DIPK2A: variants seen among roughly 807,000 people sequenced by gnomAD.
The protein encoded by DIPK2A is Golgi Protein of 49 kDa.
A neutral mutation model predicts 39.0 loss-of-function variants in DIPK2A; 27 were observed. The ratio of observed to expected loss-of-function variants is 0.69; its 90% CI spans 0.51 to 0.96. The LOEUF is 0.96. Ranked by LOEUF, DIPK2A falls within the 40% of genes least tolerant of loss-of-function variation. The pLI, the probability that DIPK2A is intolerant of heterozygous loss-of-function variation, is 0.00. For synonymous variants in DIPK2A, 298 were observed against 240.8 expected, an observed-to-expected ratio of 1.24 and a Z score of -2.20; for missense variants, 528 against 571.3, an observed-to-expected ratio of 0.92 and a Z score of 0.77.
chr3:143,979,289 A>G (rs550958558), intron 1 of DIPK2A, among the ~76,000 whole-genome samples: 2 of 152,324 alleles, frequency 1.3e-5, no homozygotes, highest in African/African-American at 4.8e-5. Context: ...TAGAATGAAT[A>G]TGGTAGGAAA....
chr3:143,973,016 G>C (rs1369894696), intron 1 of DIPK2A, 27 bp downstream of exon 1: 1 of 1,554,638 alleles, frequency 6.4e-7, no homozygotes, highest in South Asian at 1.2e-5. Flanking sequence ...GGCAGGGGGC[G>C]TCCTGGGAGG....
chr3:143,978,195 C>G (rs546596790), intron 1 of DIPK2A, among the ~76,000 whole-genome samples: 1 of 152,094 alleles, frequency 6.6e-6, no homozygotes, highest in Admixed American at 6.5e-5. Context: ...GTCATTGCTG[C>G]TGACTCTTCA....
At chr3:143,981,555 C>A (rs2087829453) in intron 1 of DIPK2A, among the ~76,000 whole-genome samples, 2 of 152,124 alleles carry the variant, frequency 1.3e-5, no homozygotes, top group Non-Finnish European at 2.9e-5. Flanking sequence ...GTTAAATAAT[C>A]AATCTTAACA....
Position 143,972,614 on chromosome 3 carries a change from G to A in DIPK2A, c.282G>A (p.Ala94=). The change falls in exon 1 of 3, where the codon GCG becomes GCA. Residue 94 remains alanine, a synonymous_variant. Transcript: ENST00000315691. Reference sequence around the variant, plus strand: ...TCAACGTGAAGAACGTGTACTTCGCGCAGTACGGCGAGCCCCGCGAGGGCG... The same window carrying A: ...TCAACGTGAAGAACGTGTACTTCGCACAGTACGGCGAGCCCCGCGAGGGCG... ...DFLNVKNVYF[A]QYGEPREGGR... is the part of the protein sequence containing the mutation. 1 of 1,612,022 alleles carries A rather than the reference G, an allele frequency of 6.2e-7. No individual in the cohort carries two copies. The highest frequency in any genetic ancestry group is 8.5e-7 in the Non-Finnish European group (1 of 1,179,644).
chr3:143,985,872 T>C (rs762970542), intron 2 of DIPK2A, 26 bp downstream of exon 2: 4 of 1,546,256 alleles, frequency 2.6e-6, no homozygotes, highest in East Asian at 2.3e-5. Context: ...TAGATTTTTT[T>C]CTACTCATTT....
chr3:143,987,621 CA>C (rs2087922241), intron 2 of DIPK2A, among the ~76,000 whole-genome samples: 1 of 152,206 alleles, frequency 6.6e-6, no homozygotes, highest in South Asian at 2.1e-4. Context: ...CTCATTAAAA[CA>C]GCAACAGATA....
At position 143,992,116 on chromosome 3, in the gene DIPK2A, C is replaced by G. The variant is rs143910929; in HGVS notation, c.*2275C>G. The G allele has an allele frequency of 4.3e-4, 66 of 152,664 alleles. No homozygotes were observed. The highest frequency in any genetic ancestry group is 1.5e-3 in the African/African-American group (64 of 41,546). The allele number at this position is 152,664 out of a possible 1,614,324, so 9.5% of individuals were successfully genotyped here. A position where few individuals can be genotyped will look rare whatever the true frequency, so the allele number is the denominator to read the frequency against. On this transcript the variant is annotated 3_prime_UTR_variant, in exon 3 of 3. Coordinates refer to ENST00000315691, the MANE Select transcript of DIPK2A (RefSeq NM_173552.5). The stretch of plus-strand genomic sequence containing the variant: ...AGCAATAAATATTTTGTTCACTTTG[C>G]TATCAAGATGTTCACTATCAGATAT...
intron 1 of DIPK2A, among the ~76,000 whole-genome samples, chr3:143,982,978 A>G (rs1012423400): frequency 3.3e-5 from 5 of 152,216 alleles, no homozygotes; most frequent in African/African-American, 9.6e-5. Context: ...AAAGATCATA[A>G]AAGACAAGGG....
At position 143,972,151 on chromosome 3, in the gene DIPK2A, C is replaced by A; in HGVS notation, c.-182C>A. 2.2e-6 allele frequency: 1 copy of A among 463,138 alleles called. No individual in the cohort carries two copies. The allele number at this position is 463,138 out of a possible 1,614,324, so 28.7% of individuals were successfully genotyped here. ...AGTGACTGGGAGAAGTCGCAGCCCG[C>A]TCAGGCCCGCGCCTTCCCGCTCCCC... On this transcript the variant is annotated 5_prime_UTR_variant, in exon 1 of 3. Transcript: ENST00000315691.
At chr3:143,975,791 G>C (rs2087720385) in intron 1 of DIPK2A, among the ~76,000 whole-genome samples, 1 of 151,938 alleles carries the variant, frequency 6.6e-6, no homozygotes, top group African/African-American at 2.4e-5. Context: ...TGGACAGCTG[G>C]TGACAAACTA....
In DIPK2A at chr3:143,989,723, A is replaced by G. The variant is rs762025281; in HGVS notation, c.1175A>G (p.Asp392Gly). The G allele has an allele frequency of 1.6e-5, 26 of 1,614,126 alleles. No homozygotes were observed. Among genetic ancestry groups the G allele is most frequent in the Non-Finnish European group, 2.2e-5 (26 of 1,180,052 alleles). Residue 392 changes from aspartate (D) to glycine (G), a missense_variant, in exon 3 of 3, where the codon GAT (aspartate) becomes GGT (glycine). Around this residue, in one of 2 missense-constraint regions of DIPK2A, gnomAD observed 219 missense variants for 281.5 expected, o/e 0.78. Coordinates refer to ENST00000315691, the MANE Select transcript of DIPK2A (RefSeq NM_173552.5). ...GATCCACCAAGTGAAATTGCCAAAG[A>G]TGGCCGGCTCGAGGCCTTGCTGGAT... ...LHDPPSEIAK[D>G]GRLEALLDEC...
rs763347523 is a variant in DIPK2A at position 143,989,734 on chromosome 3, G to A, written c.1186G>A (p.Glu396Lys). The change falls in exon 3 of 3, where the codon GAG becomes AAG. Residue 396 changes from glutamate (E) to lysine (K), a missense_variant. This residue lies in a region of DIPK2A where 219 missense variants were observed against 281.5 expected (regional missense o/e 0.78). Coordinates refer to ENST00000315691, the MANE Select transcript of DIPK2A (RefSeq NM_173552.5). Reference sequence around the variant, plus strand: ...TGAAATTGCCAAAGATGGCCGGCTCGAGGCCTTGCTGGATGAGTGTGCCAA... The same window carrying A: ...TGAAATTGCCAAAGATGGCCGGCTCAAGGCCTTGCTGGATGAGTGTGCCAA... The part of the protein sequence containing the change: ...PSEIAKDGRL[E>K]ALLDECANPK... 17 of 1,614,100 alleles carry A rather than the reference G, an allele frequency of 1.1e-5. No homozygotes were observed. The highest frequency in any genetic ancestry group is 8.0e-5 in the African/African-American group (6 of 74,936).
chr3:143,973,469 CTT>C, intron 1 of DIPK2A: 1 of 1,551,068 alleles, frequency 6.4e-7, no homozygotes, highest in Non-Finnish European at 8.7e-7. Flanking sequence ...GTCTCAGAGT[CTT>C]TGTTTTCGCT....
intron 1 of DIPK2A, among the ~76,000 whole-genome samples, chr3:143,976,292 C>G (rs2087727366): frequency 1.3e-5 from 2 of 151,918 alleles, no homozygotes; most frequent in African/African-American, 2.4e-5. Flanking sequence ...CTCTGATACC[C>G]TTTCCTCGTC....
At position 143,985,662 on chromosome 3, in the gene DIPK2A, A is replaced by C. The variant is rs2087888323; in HGVS notation, c.777A>C (p.Lys259Asn). The change falls in exon 2 of 3, where the codon AAA becomes AAC. Residue 259 changes from lysine to asparagine, a missense_variant. Physicochemically the swap from Lys to Asn is moderately conservative, Grantham distance 94 (BLOSUM62 0). Around this residue, in one of 2 missense-constraint regions of DIPK2A, gnomAD observed 219 missense variants for 281.5 expected, o/e 0.78. Coordinates refer to ENST00000315691, the MANE Select transcript of DIPK2A (RefSeq NM_173552.5). ...LWSYFNAPWE[K>N]RVDLAWQLME... ...GTTACTTTAATGCGCCATGGGAAAAACGAGTTGACCTCGCTTGGCAATTAA... is the reference window on the plus strand; with the variant it reads ...GTTACTTTAATGCGCCATGGGAAAACCGAGTTGACCTCGCTTGGCAATTAA... 6.2e-7 allele frequency: 1 copy of C among 1,614,030 alleles called. No individual in the cohort carries two copies. The highest frequency in any genetic ancestry group is 1.3e-5 in the African/African-American group (1 of 74,922).
Position 143,972,025 on chromosome 3 carries a change from TCCCCCTCCCGC to T in DIPK2A, c.-307_-297del. On this transcript the variant is annotated 5_prime_UTR_variant, in exon 1 of 3. Coordinates refer to ENST00000315691, the MANE Select transcript of DIPK2A (RefSeq NM_173552.5). ...GCGACCGTCGGGTCCCCGCGCTCCC[TCCCCCTCCCGC>T]TCCTCTATAACTTGGCTGGCGTGGA... 3.1e-6 allele frequency: 1 copy of T among 320,574 alleles called. No homozygotes were observed. The allele number at this position is 320,574 out of a possible 1,614,324, so 19.9% of individuals were successfully genotyped here.
chr3:143,978,951 A>G (rs1034655100), intron 1 of DIPK2A, among the ~76,000 whole-genome samples: 36 of 152,002 alleles, frequency 2.4e-4, no homozygotes, highest in African/African-American at 7.7e-4. Flanking sequence ...ATACTTACCT[A>G]ACAGGATTGT....
chr3:143,974,120 G>GTT (rs60332605), intron 1 of DIPK2A, among the ~76,000 whole-genome samples: 3 of 145,440 alleles, frequency 2.1e-5, no homozygotes, highest in South Asian at 2.2e-4. Flanking sequence ...GAGGTACAGG[G>GTT]TTTTTTTTTT....
intron 2 of DIPK2A, among the ~76,000 whole-genome samples, chr3:143,987,866 C>A (rs1002235032): frequency 2.6e-5 from 4 of 152,194 alleles, no homozygotes; most frequent in Non-Finnish European, 5.9e-5. Flanking sequence ...CATTAGCAAC[C>A]ACCTAATTGG....
Sources: gnomAD v4.1 joint callset for allele counts (sites outside exome capture counted in the v4.1 genomes callset) on GRCh38, gnomAD v4.1.1 for gene constraint, gnomAD v4.1.1 regional missense constraint, MANE v1.5 for transcripts, NCBI Gene and HGNC (gene_info 2026-07-23, HGNC 2026-07-21) for gene names.